Variants in RTN3 observed in about 807,000 individuals in gnomAD.
RTN3 encodes reticulon-3.
In RTN3, 49 loss-of-function variants were observed where a neutral mutation model predicts 77.8. The observed-to-expected ratio is 0.63, with a 90% CI of 0.50 to 0.80. The LOEUF (loss-of-function observed/expected upper bound fraction) is 0.80. Among genes scored for constraint, RTN3 ranks in the 30% least tolerant of loss-of-function variants. RTN3 has a pLI of 0.00. For missense variants in RTN3, 1,236 were observed against 1,211.9 expected, an observed-to-expected ratio of 1.02 and a Z score of -0.29; for synonymous variants, 464 against 446.9, an observed-to-expected ratio of 1.04 and a Z score of -0.48.
intron 3 of RTN3, 141 bp downstream of exon 3, chr11:63,721,173 A>T: frequency 1.5e-6 from 1 of 673,524 alleles, no homozygotes; most frequent in Admixed American, 3.3e-5. Context: ...TGGGAAAGGC[A>T]GATTCTTCTC....
chr11:63,684,790 C>G (rs7945796), intron 1 of RTN3, among the ~76,000 whole-genome samples: 4 of 152,264 alleles, frequency 2.6e-5, no homozygotes, highest in African/African-American at 9.6e-5. Flanking sequence ...TTTGGAGTCT[C>G]GCTCTGTAGC....
At chr11:63,694,239 T>C (rs1030009772) in intron 1 of RTN3, among the ~76,000 whole-genome samples, 2 of 151,818 alleles carry the variant, frequency 1.3e-5, no homozygotes, top group African/African-American at 4.8e-5. Flanking sequence ...TGCAATGGCG[T>C]GATCTCGGCT....
At position 63,750,164 on chromosome 11, in the gene RTN3, G is replaced by A; in HGVS notation, c.2704G>A (p.Ala902Thr). The A allele has an allele frequency of 1.2e-6, 2 of 1,612,654 alleles. No homozygotes were observed. Among genetic ancestry groups the A allele is most frequent in the Non-Finnish European group, 1.7e-6 (2 of 1,179,264 alleles). ...SFRIYKSVIQ[A>T]VQKSEEGHPF... ...CAGGATCTACAAGTCCGTCATCCAAGCTGTACAGAAGTCAGAAGAAGGCCA... is the reference window on the plus strand; with the variant it reads ...CAGGATCTACAAGTCCGTCATCCAAACTGTACAGAAGTCAGAAGAAGGCCA... The change falls in exon 4 of 9, where the codon GCT becomes ACT. Residue 902 changes from alanine (A) to threonine (T), a missense_variant. Ala to Thr is a moderately conservative substitution (Grantham distance 58). Transcript: ENST00000377819.
intron 8 of RTN3, among the ~76,000 whole-genome samples, chr11:63,757,187 C>T (rs1165731746): frequency 6.6e-6 from 1 of 152,154 alleles, no homozygotes; most frequent in Non-Finnish European, 1.5e-5. Context: ...TCTAAGATTG[C>T]CAAATCTCTG....
rs1008073021 is a variant in RTN3 at position 63,713,355 on chromosome 11, T to C, written c.200-5347T>C. Among the ~76,000 whole-genome samples the C allele has an allele frequency of 3.3e-5, 5 of 152,250 alleles. No homozygotes were observed. The South Asian group carries it at 1.0e-3, about 32-fold the overall frequency. ...CCCATTTTTTGAAACAAGGTCTTGC[T>C]TTGTCACCCAGGGTGGAGTGCATGG... On this transcript the variant is annotated intron_variant, in intron 2 of 8. Coordinates refer to ENST00000377819, the MANE Select transcript of RTN3 (RefSeq NM_001265589.2).
intron 3 of RTN3, among the ~76,000 whole-genome samples, chr11:63,741,505 A>ATT (rs1233011629): frequency 6.9e-5 from 9 of 129,780 alleles, no homozygotes; most frequent in Admixed American, 4.5e-4. Context: ...CCCAGCATTT[A>ATT]TTTTTTTTTT....
chr11:63,743,821 C>T (rs2013630945), intron 3 of RTN3, among the ~76,000 whole-genome samples: 1 of 152,016 alleles, frequency 6.6e-6, no homozygotes, highest in African/African-American at 2.4e-5. Context: ...GAAGCTGAGG[C>T]AGGAGAATTG....
chr11:63,750,455 C>CTTT (rs200090732), intron 4 of RTN3: 52 of 295,626 alleles, frequency 1.8e-4, no homozygotes, highest in Non-Finnish European at 2.3e-4. Flanking sequence ...ACTCTAAATT[C>CTTT]TTTTTTTTTT....
chr11:63,711,050 C>T (rs1388179159), intron 2 of RTN3, among the ~76,000 whole-genome samples: 1 of 151,988 alleles, frequency 6.6e-6, no homozygotes, highest in Non-Finnish European at 1.5e-5. Context: ...GAGGCCGAGG[C>T]GGGTGGATCA....
At chr11:63,738,968 G>T (rs2013307221) in intron 3 of RTN3, among the ~76,000 whole-genome samples, 1 of 152,134 alleles carries the variant, frequency 6.6e-6, no homozygotes, top group Admixed American at 6.6e-5. Context: ...CTTGGGTACT[G>T]CAGCCGGCGT....
At position 63,758,461 on chromosome 11, in the gene RTN3, T is replaced by C. The variant is rs1590903736; in HGVS notation, c.*260T>C. The C allele has an allele frequency of 1.1e-6, 1 of 919,366 alleles. No individual in the cohort carries two copies. Among genetic ancestry groups the C allele is most frequent in the East Asian group, 2.7e-5 (1 of 37,570 alleles). The allele number at this position is 919,366 out of a possible 1,614,324, so 57.0% of individuals were successfully genotyped here. ...ATAGGATAAGTCAATACCTTAATGG[T>C]GGTAGAGCCTTTACCTGTAGCTTGA... On this transcript the variant is annotated 3_prime_UTR_variant, in exon 9 of 9. Transcript: ENST00000377819.
chr11:63,715,169 C>T (rs1280348516), intron 2 of RTN3, among the ~76,000 whole-genome samples: 6 of 152,112 alleles, frequency 3.9e-5, no homozygotes, highest in African/African-American at 1.4e-4. Context: ...TCTGCCTTCC[C>T]CTCTGTGTTG....
intron 1 of RTN3, among the ~76,000 whole-genome samples, chr11:63,688,289 T>A (rs1941478507): frequency 6.7e-6 from 1 of 149,844 alleles, no homozygotes; most frequent in African/African-American, 2.5e-5. Context: ...AGTGGTGCGA[T>A]CTCAGCTCAC....
rs537161566 is a variant in RTN3, at chr11:63,690,875, G to T, written c.142+9097G>T. Among the ~76,000 whole-genome samples the T allele has an allele frequency of 2.6e-5, 4 of 152,052 alleles. No homozygotes were observed. In the South Asian group the frequency reaches 8.3e-4, roughly 32 times the overall value. ...GTGACACCACATACTCACTCTCACT[G>T]GCTTTTCATCCTCTGTCTCCATAAA... On this transcript the variant is annotated intron_variant, in intron 1 of 8. Transcript: ENST00000377819.
rs557791528 is a variant in RTN3 at position 63,733,552 on chromosome 11, A to G, written c.2530+12520A>G. 2.0e-3 allele frequency among the ~76,000 whole-genome samples: 304 copies of G among 152,014 alleles called. 2 individuals carry two copies. Among genetic ancestry groups the G allele is most frequent in the Non-Finnish European group, 3.3e-3 (227 of 67,960 alleles). On this transcript the variant is annotated intron_variant, in intron 3 of 8. Transcript: ENST00000377819. ...ATTAACAATGAAGAAAAACTATGGCATAAGTTCAGTTCATAAAAAGTGTTT... is the reference window on the plus strand; with the variant it reads ...ATTAACAATGAAGAAAAACTATGGCGTAAGTTCAGTTCATAAAAAGTGTTT...
chr11:63,759,753 A>G lies in RTN3; in HGVS notation c.*1552A>G, dbSNP rs913713616. On this transcript the variant is annotated 3_prime_UTR_variant, in exon 9 of 9. Coordinates refer to ENST00000377819, the MANE Select transcript of RTN3 (RefSeq NM_001265589.2). ...TTTTTTTAAGAAAAACCTATAGATG[A>G]AAAATTACTAATGAAACTGTGTGTA... The G allele has an allele frequency of 3.3e-5, 5 of 152,240 alleles. No homozygotes were observed. The highest frequency in any genetic ancestry group is 1.2e-4 in the African/African-American group (5 of 41,316). 9.4% of individuals were successfully genotyped at this position (152,240 alleles called of 1,614,324 possible).
intron 1 of RTN3, among the ~76,000 whole-genome samples, chr11:63,694,468 G>A (rs774392813): frequency 6.6e-6 from 1 of 151,852 alleles, no homozygotes; most frequent in Non-Finnish European, 1.5e-5. Flanking sequence ...GAGCCACTGC[G>A]CCTGGCCTTT....
intron 3 of RTN3, among the ~76,000 whole-genome samples, chr11:63,744,657 ATACTC>A (rs1205680171): frequency 5.3e-5 from 8 of 152,336 alleles, no homozygotes; most frequent in African/African-American, 9.6e-5. Flanking sequence ...TAACTGTACT[ATACTC>A]AGCCAGAACA....
intron 2 of RTN3, chr11:63,714,491 CTTTTTTTCA>C (rs1489448478): frequency 1.3e-5 from 2 of 149,140 alleles, no homozygotes; most frequent in South Asian, 2.1e-4. Context: ...TTCTTTTTTC[CTTTTTTTCA>C]TTTTTCTCTT....
Sources: gnomAD v4.1 joint callset for allele counts (sites outside exome capture counted in the v4.1 genomes callset) on GRCh38, gnomAD v4.1.1 for gene constraint, MANE v1.5 for transcripts, NCBI Gene and HGNC (gene_info 2026-07-23, HGNC 2026-07-21) for gene names.